Variants in ASAP1 observed in about 807,000 individuals in gnomAD.
The protein encoded by ASAP1 is arf-GAP with SH3 domain, ANK repeat and PH domain-containing protein 1.
ASAP1 carries 43 observed loss-of-function variants against 145.2 expected under a neutral mutation model. The ratio of observed to expected loss-of-function variants is 0.30; its 90% CI spans 0.23 to 0.38. The LOEUF is 0.38. Among genes scored for constraint, ASAP1 ranks in the 10% least tolerant of loss-of-function variants. ASAP1 has a pLI of 1.00. For synonymous variants in ASAP1, 546 were observed against 515.5 expected (o/e 1.06, Z -0.80); for missense variants, 1,018 against 1,355.3 (o/e 0.75, Z 3.91).
chr8:130,248,372 A>G (rs1818983715), intron 3 of ASAP1, among the ~76,000 whole-genome samples: 1 of 152,188 alleles, frequency 6.6e-6, no homozygotes, highest in Non-Finnish European at 1.5e-5. Context: ...GAGTAGACAG[A>G]GAACAACCAC....
intron 1 of ASAP1, among the ~76,000 whole-genome samples, chr8:130,435,353 T>C (rs1365424590): frequency 6.6e-6 from 1 of 152,240 alleles, no homozygotes; most frequent in African/African-American, 2.4e-5. Flanking sequence ...TTCTTTCTTC[T>C]GAAATGTTTA....
At chr8:130,350,710 T>A (rs537177805) in intron 3 of ASAP1, among the ~76,000 whole-genome samples, 3 of 152,240 alleles carry the variant, frequency 2.0e-5, no homozygotes, top group African/African-American at 7.2e-5. Flanking sequence ...GGCTTTCAGG[T>A]TGGCAAACGC....
intron 4 of ASAP1, among the ~76,000 whole-genome samples, chr8:130,222,169 G>T (rs1817330948): frequency 6.6e-6 from 1 of 152,184 alleles, no homozygotes; most frequent in African/African-American, 2.4e-5. Context: ...AACATACTTT[G>T]TATATTCATC....
At chr8:130,235,866 C>T (rs1013089328) in intron 4 of ASAP1, among the ~76,000 whole-genome samples, 12 of 152,112 alleles carry the variant, frequency 7.9e-5, no homozygotes, top group Non-Finnish European at 1.5e-4. Flanking sequence ...TTCCATTCAG[C>T]TCAATAATTT....
chr8:130,313,378 A>C (rs1244777180), intron 3 of ASAP1, among the ~76,000 whole-genome samples: 1 of 152,082 alleles, frequency 6.6e-6, no homozygotes, highest in Admixed American at 6.5e-5. Context: ...CAATGAGATC[A>C]CGTATAAATT....
intron 4 of ASAP1, among the ~76,000 whole-genome samples, chr8:130,223,053 T>C (rs1381749987): frequency 1.3e-5 from 2 of 152,228 alleles, no homozygotes; most frequent in Non-Finnish European, 1.5e-5. Flanking sequence ...ACATCTGCCC[T>C]GCTGATTGGC....
chr8:130,126,161 C>G, intron 16 of ASAP1, 72 bp from the exon 17 acceptor site: 1 of 1,391,422 alleles, frequency 7.2e-7, no homozygotes, highest in Non-Finnish European at 9.8e-7. Flanking sequence ...ACAGAGGAAG[C>G]TAAAACAGTA....
chr8:130,109,005 C>T (rs1029667614), intron 24 of ASAP1, among the ~76,000 whole-genome samples: 2 of 151,738 alleles, frequency 1.3e-5, no homozygotes, highest in African/African-American at 2.4e-5. Flanking sequence ...GAACTCCCGA[C>T]GTCAGGTGAT....
intron 3 of ASAP1, among the ~76,000 whole-genome samples, chr8:130,249,733 T>C (rs1331236056): frequency 1.3e-5 from 2 of 152,286 alleles, no homozygotes; most frequent in East Asian, 1.9e-4. Context: ...TGTTTATTTA[T>C]ATATTACTTC....
At chr8:130,218,925 T>C (rs1343246845) in intron 4 of ASAP1, among the ~76,000 whole-genome samples, 2 of 152,072 alleles carry the variant, frequency 1.3e-5, no homozygotes, top group East Asian at 3.9e-4. Flanking sequence ...TATATACATG[T>C]CTCACATATA....
At chr8:130,341,177 A>T (rs1825359814) in intron 3 of ASAP1, among the ~76,000 whole-genome samples, 1 of 152,116 alleles carries the variant, frequency 6.6e-6, no homozygotes, top group African/African-American at 2.4e-5. Flanking sequence ...AGAGTGAAAC[A>T]CACCTACCAC....
In ASAP1 at chr8:130,208,174, T is replaced by A. The variant is rs1816347130; in HGVS notation, c.405+6382A>T. On this transcript the variant is annotated intron_variant, in intron 5 of 29. Transcript: ENST00000518721. ...CCCATCAACCAGCTTCCCCCAATAG[T>A]AACATCTTATATATGTTAAACAGTA... Among the ~76,000 whole-genome samples the A allele has an allele frequency of 2.0e-5, 3 of 152,328 alleles. No individual in the cohort carries two copies. In the South Asian group the frequency reaches 6.2e-4, roughly 32 times the overall value.
chr8:130,171,875 T>C (rs1010181596), intron 9 of ASAP1, among the ~76,000 whole-genome samples: 2 of 152,310 alleles, frequency 1.3e-5, no homozygotes, highest in Admixed American at 6.5e-5. Context: ...GAGTTAAAAG[T>C]ATGGGTACAA....
chr8:130,422,001 A>G (rs1332898342), intron 1 of ASAP1, among the ~76,000 whole-genome samples: 18 of 152,252 alleles, frequency 1.2e-4, no homozygotes, highest in Admixed American at 8.5e-4. Context: ...AGGTATGAAC[A>G]AAACAGACAG....
intron 3 of ASAP1, among the ~76,000 whole-genome samples, chr8:130,271,571 C>T (rs375678001): frequency 4.4e-4 from 67 of 152,324 alleles, no homozygotes; most frequent in African/African-American, 1.5e-3. Context: ...GCTTCCAACA[C>T]CTACCAACCT....
chr8:130,344,368 T>C (rs1261799445), intron 3 of ASAP1, among the ~76,000 whole-genome samples: 3 of 152,176 alleles, frequency 2.0e-5, no homozygotes, highest in Non-Finnish European at 4.4e-5. Context: ...GAAAACATAT[T>C]ATGGTTCAGG....
chr8:130,358,465 G>A lies in ASAP1; in HGVS notation c.60-322C>T, dbSNP rs1383299619. Among the ~76,000 whole-genome samples, 1 of 148,330 alleles carries A rather than the reference G, an allele frequency of 6.7e-6. No individual in the cohort carries two copies. Among genetic ancestry groups the A allele is most frequent in the East Asian group, 1.9e-4 (1 of 5,140 alleles). ...CCTCAGCGGCGGGGGAGGGGACGCGGCTGCGCGCGGGGTCTTCGCGGGGGT... is the reference window on the plus strand; with the variant it reads ...CCTCAGCGGCGGGGGAGGGGACGCGACTGCGCGCGGGGTCTTCGCGGGGGT... On this transcript the variant is annotated intron_variant, in intron 2 of 29. Coordinates refer to ENST00000518721, the MANE Select transcript of ASAP1 (RefSeq NM_018482.4). This position sits in a 1 kb window ranked among gnomAD's most constrained non-coding sequence, Gnocchi z 4.1.
intron 4 of ASAP1, among the ~76,000 whole-genome samples, chr8:130,220,027 G>T (rs1817196100): frequency 6.6e-6 from 1 of 152,138 alleles, no homozygotes; most frequent in Non-Finnish European, 1.5e-5. Flanking sequence ...GGGCTCATGT[G>T]TTCCTCCCAC....
chr8:130,439,084 C>T (rs1830408601), intron 1 of ASAP1, among the ~76,000 whole-genome samples: 1 of 152,146 alleles, frequency 6.6e-6, no homozygotes, highest in South Asian at 2.1e-4. Context: ...AGTGGAATCA[C>T]TTTAAGGGTC....
Sources: gnomAD v4.1 joint callset for allele counts (sites outside exome capture counted in the v4.1 genomes callset) on GRCh38, gnomAD v4.1.1 for gene constraint, Gnocchi (gnomAD v3.1) non-coding constraint, MANE v1.5 for transcripts, NCBI Gene and HGNC (gene_info 2026-07-23, HGNC 2026-07-21) for gene names.